Variants in ANKS1B observed in about 807,000 individuals in gnomAD.
ANKS1B encodes the protein ankyrin repeat and sterile alpha motif domain containing 1B.
Under a neutral mutation model 148.3 loss-of-function variants are expected in ANKS1B, and 36 were observed. The ratio of observed to expected loss-of-function variants is 0.24; its 90% confidence interval spans 0.19 to 0.32. The LOEUF is 0.32. Among genes scored for constraint, ANKS1B ranks in the 10% least tolerant of loss-of-function variants. The pLI is 1.00. For missense variants in ANKS1B, 1,157 were observed against 1,542.6 expected (o/e 0.75, Z 4.19); for synonymous variants, 542 against 560.8 (o/e 0.97, Z 0.47).
intron 2 of ANKS1B, among the ~76,000 whole-genome samples, chr12:99,821,951 A>G (rs1464193521): frequency 2.6e-5 from 4 of 152,148 alleles, no homozygotes; most frequent in Admixed American, 6.6e-5. Flanking sequence ...ATATGGCAAA[A>G]TATTTCTAAA....
chr12:99,692,318 G>A (rs541541970), intron 8 of ANKS1B, among the ~76,000 whole-genome samples: 6 of 152,184 alleles, frequency 3.9e-5, no homozygotes, highest in South Asian at 4.2e-4. Context: ...GTCAGATAGC[G>A]GTCATATTTT....
chr12:99,547,669 A>G (rs1277151234), intron 9 of ANKS1B, among the ~76,000 whole-genome samples: 1 of 152,196 alleles, frequency 6.6e-6, no homozygotes, highest in African/African-American at 2.4e-5. Context: ...AAAACCTTTC[A>G]TGTTCAACAT....
At chr12:99,165,048 G>C (rs2077065624) in intron 14 of ANKS1B, among the ~76,000 whole-genome samples, 1 of 151,916 alleles carries the variant, frequency 6.6e-6, no homozygotes, top group Non-Finnish European at 1.5e-5. Flanking sequence ...CATAAAAGCA[G>C]AGTGAATCAC....
At chr12:98,870,326 T>C (rs1395011549) in intron 17 of ANKS1B, among the ~76,000 whole-genome samples, 1 of 152,216 alleles carries the variant, frequency 6.6e-6, no homozygotes, top group East Asian at 1.9e-4. Flanking sequence ...TCTTCAGTAA[T>C]ACACTGCAGT....
At chr12:99,161,476 G>A (rs528667520) in intron 14 of ANKS1B, among the ~76,000 whole-genome samples, 1 of 152,148 alleles carries the variant, frequency 6.6e-6, no homozygotes, top group African/African-American at 2.4e-5. Flanking sequence ...TTGCACCACT[G>A]CACTCCATCC....
At chr12:99,838,386 T>A (rs967481114) in intron 1 of ANKS1B, among the ~76,000 whole-genome samples, 2 of 152,184 alleles carry the variant, frequency 1.3e-5, no homozygotes, top group African/African-American at 4.8e-5. Flanking sequence ...CAATGGTGTA[T>A]AAGCATTCCT....
chr12:99,498,532 A>T (rs2096625662), intron 10 of ANKS1B, among the ~76,000 whole-genome samples: 1 of 151,932 alleles, frequency 6.6e-6, no homozygotes, highest in Non-Finnish European at 1.5e-5. Context: ...CTTCATTCAC[A>T]TTCCTCCCCT....
rs527701277 is a variant in ANKS1B, at chr12:98,906,113, T to A, written c.2779-73977A>T. Among the ~76,000 whole-genome samples the A allele has an allele frequency of 1.5e-4, 23 of 152,290 alleles. No homozygotes were observed. The South Asian group carries it at 4.8e-3, about 32-fold the overall frequency. On this transcript the variant is annotated intron_variant, in intron 17 of 26. Transcript: ENST00000683438. ...TACATTGTTCTAAATGGGTCCCTAG[T>A]GGGTATGGAGGGTGAGAATGTTCTA... is the stretch of plus-strand genomic sequence containing the variant.
At chr12:99,889,783 T>A (rs76118421) in intron 1 of ANKS1B, among the ~76,000 whole-genome samples, 10,211 of 152,288 alleles carry the variant, frequency 0.067, 405 homozygotes, top group South Asian at 0.081. Context: ...ACAATCTTTT[T>A]AAAATATTTT....
At chr12:99,942,037 G>C (rs2094932324) in intron 1 of ANKS1B, among the ~76,000 whole-genome samples, 1 of 152,146 alleles carries the variant, frequency 6.6e-6, no homozygotes, top group South Asian at 2.1e-4. Context: ...TGATTTGAAA[G>C]GCATCTAGCA....
intron 1 of ANKS1B, among the ~76,000 whole-genome samples, chr12:99,879,819 C>A (rs1191133161): frequency 6.6e-6 from 1 of 152,138 alleles, no homozygotes; most frequent in Non-Finnish European, 1.5e-5. Context: ...AGGTAAGTCT[C>A]TAATTATGAA....
intron 1 of ANKS1B, among the ~76,000 whole-genome samples, chr12:99,875,144 A>G (rs2091932517): frequency 1.3e-5 from 2 of 152,196 alleles, no homozygotes; most frequent in Admixed American, 1.3e-4. Flanking sequence ...AAAGATATCA[A>G]ATAGTTTAGA....
intron 12 of ANKS1B, among the ~76,000 whole-genome samples, chr12:99,275,739 C>A (rs2077593891): frequency 6.6e-6 from 1 of 152,080 alleles, no homozygotes; most frequent in Non-Finnish European, 1.5e-5. Context: ...ACTGGCTATA[C>A]CATATTCAAA....
At chr12:99,003,737 T>A (rs2099934409) in intron 17 of ANKS1B, among the ~76,000 whole-genome samples, 1 of 152,202 alleles carries the variant, frequency 6.6e-6, no homozygotes, top group Admixed American at 6.5e-5. Flanking sequence ...TGGTTAGAGC[T>A]GCACGCATGG....
At chr12:99,951,730 T>G (rs1367845150) in intron 1 of ANKS1B, among the ~76,000 whole-genome samples, 1 of 146,790 alleles carries the variant, frequency 6.8e-6, no homozygotes, top group East Asian at 2.0e-4. Context: ...AAAAAAAAAT[T>G]AAAATTAGCC....
At chr12:99,148,375 G>A (rs1601055267) in intron 15 of ANKS1B, among the ~76,000 whole-genome samples, 1 of 151,882 alleles carries the variant, frequency 6.6e-6, no homozygotes, top group Non-Finnish European at 1.5e-5. Flanking sequence ...TCCAGAAGGA[G>A]GAAAAGGCTC....
chr12:98,783,405 C>T (rs995532321), intron 22 of ANKS1B, among the ~76,000 whole-genome samples: 17 of 152,156 alleles, frequency 1.1e-4, no homozygotes, highest in African/African-American at 4.1e-4. Flanking sequence ...CGAGGCGGCC[C>T]AGGGGCTACA....
At chr12:99,646,198 TGAAGTG>T (rs1473917238) in intron 9 of ANKS1B, among the ~76,000 whole-genome samples, 1 of 152,090 alleles carries the variant, frequency 6.6e-6, no homozygotes, top group Non-Finnish European at 1.5e-5. Flanking sequence ...AACATAGACT[TGAAGTG>T]GAAGTTAAGA....
chr12:99,221,990 C>T (rs2085200338), intron 14 of ANKS1B, among the ~76,000 whole-genome samples: 1 of 151,904 alleles, frequency 6.6e-6, no homozygotes, highest in Admixed American at 6.6e-5. Flanking sequence ...TTTGCAGGCA[C>T]ATAAAACATT....
Sources: gnomAD v4.1 joint callset for allele counts (sites outside exome capture counted in the v4.1 genomes callset) on GRCh38, gnomAD v4.1.1 for gene constraint, MANE v1.5 for transcripts, NCBI Gene and HGNC (gene_info 2026-07-23, HGNC 2026-07-21) for gene names.